Variants in CTNNA3 observed in about 807,000 individuals in gnomAD.
CTNNA3 encodes the protein catenin alpha-3.
A neutral mutation model predicts 95.7 loss-of-function variants in CTNNA3; 76 were observed. The observed-to-expected ratio is 0.79, with a 90% CI of 0.66 to 0.96. The LOEUF (loss-of-function observed/expected upper bound fraction) is 0.96. Ranked by LOEUF, CTNNA3 falls within the 40% of genes least tolerant of loss-of-function variation. The pLI is 0.00. For missense variants in CTNNA3, 1,191 were observed against 1,089.8 expected (o/e 1.09, Z -1.31); for synonymous variants, 431 against 374.4 (o/e 1.15, Z -1.74).
intron 7 of CTNNA3, among the ~76,000 whole-genome samples, chr10:67,051,758 ATTTT>A (rs10582679): frequency 1.7e-4 from 25 of 145,110 alleles, no homozygotes; most frequent in Non-Finnish European, 2.9e-4. Flanking sequence ...CTATCCTACA[ATTTT>A]TTTTTTTTTT....
chr10:66,730,833 T>C (rs935065280), intron 9 of CTNNA3, among the ~76,000 whole-genome samples: 4 of 152,204 alleles, frequency 2.6e-5, no homozygotes, highest in Non-Finnish European at 4.4e-5. Flanking sequence ...GTCTGAGCTA[T>C]TGAATCTTAC....
intron 10 of CTNNA3, among the ~76,000 whole-genome samples, chr10:66,575,533 C>T (rs553823687): frequency 6.6e-6 from 1 of 152,230 alleles, no homozygotes; most frequent in East Asian, 1.9e-4. Flanking sequence ...TTAATCTTGA[C>T]AATGCTGGTC....
chr10:65,945,252 G>T (rs1287943229), intron 17 of CTNNA3, among the ~76,000 whole-genome samples: 1 of 152,026 alleles, frequency 6.6e-6, no homozygotes, highest in Non-Finnish European at 1.5e-5. Flanking sequence ...TGTGAAAAAT[G>T]GTTGGAATTT....
At chr10:66,430,843 G>T (rs980763657) in intron 11 of CTNNA3, among the ~76,000 whole-genome samples, 9 of 152,226 alleles carry the variant, frequency 5.9e-5, no homozygotes, top group African/African-American at 2.2e-4. Flanking sequence ...ATAGGCATGG[G>T]CAAGGACTTC....
At chr10:67,517,499 C>T (rs773848110) in intron 5 of CTNNA3, among the ~76,000 whole-genome samples, 1 of 151,940 alleles carries the variant, frequency 6.6e-6, no homozygotes, top group African/African-American at 2.4e-5. Flanking sequence ...GGGTCACACA[C>T]CCAGTTTAGT....
intron 10 of CTNNA3, among the ~76,000 whole-genome samples, chr10:66,570,519 C>T (rs1004160578): frequency 6.6e-6 from 1 of 151,900 alleles, no homozygotes; most frequent in South Asian, 2.1e-4. Flanking sequence ...GATCTCTTGA[C>T]CTCGTGATCC....
At chr10:67,471,873 T>G (rs1031157973) in intron 5 of CTNNA3, among the ~76,000 whole-genome samples, 2 of 152,208 alleles carry the variant, frequency 1.3e-5, no homozygotes, top group African/African-American at 4.8e-5. Flanking sequence ...AGAATGAGAA[T>G]GTTTGCTCCA....
At chr10:66,404,778 G>C (rs1311587064) in intron 11 of CTNNA3, among the ~76,000 whole-genome samples, 1 of 118,376 alleles carries the variant, frequency 8.4e-6, no homozygotes, top group Non-Finnish European at 1.6e-5. Flanking sequence ...GGTTTTTCCT[G>C]TGGGTTTTTT....
chr10:65,993,742 A>C (rs73306094), intron 15 of CTNNA3, among the ~76,000 whole-genome samples: 7,812 of 151,856 alleles, frequency 0.051, 598 homozygotes, highest in African/African-American at 0.17. Context: ...CTTTCTCTCT[A>C]TATATATTTT....
At chr10:67,737,101 T>C (rs1482077047) in intron 1 of CTNNA3, among the ~76,000 whole-genome samples, 2 of 152,088 alleles carry the variant, frequency 1.3e-5, no homozygotes, top group African/African-American at 2.4e-5. Flanking sequence ...GTAGCTGGGA[T>C]TACAGGCACA....
At chr10:66,480,773 T>G (rs1839494812) in intron 11 of CTNNA3, among the ~76,000 whole-genome samples, 1 of 151,904 alleles carries the variant, frequency 6.6e-6, no homozygotes, top group African/African-American at 2.4e-5. Context: ...CCCGGTTAAT[T>G]TTTTGTATTT....
At position 66,567,172 on chromosome 10, in the gene CTNNA3, G is replaced by A. The variant is rs199772416; in HGVS notation, c.1375-46399C>T. Among the ~76,000 whole-genome samples, 3 of 151,330 alleles carry A rather than the reference G, an allele frequency of 2.0e-5. No individual in the cohort carries two copies. In the East Asian group the frequency reaches 5.8e-4, roughly 29 times the overall value. On this transcript the variant is annotated intron_variant, in intron 10 of 17. Transcript: ENST00000433211. ...AATATTATGAACAGGGAACTCACAG[G>A]CAGTTGACAGACACAGGCAAGGAAT... is the stretch of plus-strand genomic sequence containing the variant.
chr10:67,392,439 C>A (rs1844536689), intron 5 of CTNNA3, among the ~76,000 whole-genome samples: 1 of 152,146 alleles, frequency 6.6e-6, no homozygotes, highest in Non-Finnish European at 1.5e-5. Context: ...GAAATAGGAA[C>A]ACTTTTACAC....
intron 11 of CTNNA3, among the ~76,000 whole-genome samples, chr10:66,430,061 G>A (rs988964805): frequency 7.9e-6 from 1 of 126,818 alleles, no homozygotes; most frequent in African/African-American, 3.3e-5. Context: ...AATGTCTCAG[G>A]ATACAAAATC....
intron 10 of CTNNA3, among the ~76,000 whole-genome samples, chr10:66,580,262 T>C (rs550562973): frequency 3.3e-5 from 5 of 151,868 alleles, no homozygotes; most frequent in African/African-American, 1.2e-4. Context: ...GGTGACATTC[T>C]TCCCCTTTGC....
At chr10:66,860,743 G>C (rs573417855) in intron 7 of CTNNA3, among the ~76,000 whole-genome samples, 1 of 152,160 alleles carries the variant, frequency 6.6e-6, no homozygotes, top group Non-Finnish European at 1.5e-5. Context: ...TGTTTACACT[G>C]AGAGTACATG....
At chr10:67,210,191 C>A (rs61408529) in intron 6 of CTNNA3, among the ~76,000 whole-genome samples, 6,573 of 152,070 alleles carry the variant, frequency 0.043, 179 homozygotes, top group South Asian at 0.087. Context: ...CCTGTAGTCC[C>A]AGCTACTCTG....
In CTNNA3 at chr10:66,590,126, A is replaced by G. The variant is rs532253845; in HGVS notation, c.1374+31566T>C. On this transcript the variant is annotated intron_variant, in intron 10 of 17. Coordinates refer to ENST00000433211, the MANE Select transcript of CTNNA3 (RefSeq NM_013266.4). ...AATGTAAAATATCTGTTATGTGTTTAAAGTATGTTTTACAGGTATAAACTA... is the reference window on the plus strand; with the variant it reads ...AATGTAAAATATCTGTTATGTGTTTGAAGTATGTTTTACAGGTATAAACTA... Among the ~76,000 whole-genome samples, 8 of 152,246 alleles carry G rather than the reference A, an allele frequency of 5.3e-5. No homozygotes were observed. In the South Asian group the frequency reaches 1.7e-3, roughly 32 times the overall value.
intron 9 of CTNNA3, among the ~76,000 whole-genome samples, chr10:66,643,747 C>T (rs1051751520): frequency 2.6e-5 from 4 of 152,184 alleles, no homozygotes; most frequent in Non-Finnish European, 5.9e-5. Context: ...TATCTGTCCT[C>T]ACAAATTCAA....
Sources: gnomAD v4.1 joint callset for allele counts (sites outside exome capture counted in the v4.1 genomes callset) on GRCh38, gnomAD v4.1.1 for gene constraint, MANE v1.5 for transcripts, NCBI Gene and HGNC (gene_info 2026-07-23, HGNC 2026-07-21) for gene names.